The following RILPL1 variants were observed in gnomAD, a reference collection of about 807,000 sequenced individuals.
RILPL1 encodes the protein Rab interacting lysosomal protein like 1.
RILPL1 carries 33 observed loss-of-function variants against 50.3 expected under a neutral mutation model. That is an observed-to-expected ratio of 0.66 (90% confidence interval 0.50 to 0.88). The LOEUF (loss-of-function observed/expected upper bound fraction) is 0.88. Ranked by LOEUF, RILPL1 falls within the 40% of genes least tolerant of loss-of-function variation. The pLI is 0.00. For missense variants in RILPL1, 418 were observed against 542.5 expected (o/e 0.77, Z 2.28); for synonymous variants, 205 against 228.6 (o/e 0.90, Z 0.93).
intron 6 of RILPL1, 74 bp from the exon 7 acceptor site, chr12:123,472,756 G>C (rs1881281631): frequency 1.3e-6 from 2 of 1,499,818 alleles, no homozygotes; most frequent in African/African-American, 1.4e-5. Flanking sequence ...TGCAATGCCG[G>C]AGACATATAG....
intron 2 of RILPL1, among the ~76,000 whole-genome samples, chr12:123,510,821 CTG>C (rs1401851189): frequency 1.2e-5 from 1 of 86,822 alleles, no homozygotes; most frequent in Non-Finnish European, 2.3e-5. Context: ...TGTGTGAGGT[CTG>C]TGTATGGTGT....
chr12:123,504,238 C>T (rs981213567), intron 2 of RILPL1, among the ~76,000 whole-genome samples: 5 of 152,072 alleles, frequency 3.3e-5, no homozygotes, highest in African/African-American at 1.2e-4. Flanking sequence ...CCTTAGCCCC[C>T]GGGACTCAGG....
At chr12:123,524,575 A>T (rs1275225739) in intron 1 of RILPL1, among the ~76,000 whole-genome samples, 1 of 152,220 alleles carries the variant, frequency 6.6e-6, no homozygotes, top group Non-Finnish European at 1.5e-5. Flanking sequence ...GCACATCCAT[A>T]CAATGGAACA....
At chr12:123,524,416 C>T (rs1426671724) in intron 1 of RILPL1, among the ~76,000 whole-genome samples, 2 of 152,112 alleles carry the variant, frequency 1.3e-5, no homozygotes, top group Admixed American at 6.6e-5. Flanking sequence ...ACCATAGGAC[C>T]CAGCAACTCC....
chr12:123,477,333 CTTTCTT>C (rs1461816711), intron 6 of RILPL1, among the ~76,000 whole-genome samples: 143 of 128,570 alleles, frequency 1.1e-3, no homozygotes, highest in Middle Eastern at 3.9e-3. Context: ...TTCTTTCTTT[CTTTCTT>C]TTTTTTTTTT....
rs1054009306 is a variant in RILPL1 at position 123,491,680 on chromosome 12, C to A, written c.802-5875G>T. Among the ~76,000 whole-genome samples, 1 of 152,136 alleles carries A rather than the reference C, an allele frequency of 6.6e-6. No individual in the cohort carries two copies. Among genetic ancestry groups the A allele is most frequent in the Admixed American group, 6.5e-5 (1 of 15,270 alleles). On this transcript the variant is annotated intron_variant, in intron 4 of 6. Coordinates refer to ENST00000376874, the MANE Select transcript of RILPL1 (RefSeq NM_178314.5). This position sits in a 1 kb window ranked among gnomAD's most constrained non-coding sequence, Gnocchi z 4.0. ...GTCTGCTTTCCCTATGCAGGCAGCCCGCACTTTACAAAACAAAAACAAAAC... is the reference window on the plus strand; with the variant it reads ...GTCTGCTTTCCCTATGCAGGCAGCCAGCACTTTACAAAACAAAAACAAAAC...
intron 2 of RILPL1, among the ~76,000 whole-genome samples, chr12:123,512,319 ATGTGAGGTCTCTGTGTGGTG>A (rs1218762066): frequency 1.1e-4 from 8 of 70,412 alleles, no homozygotes; most frequent in African/African-American, 4.5e-4. Context: ...TGTGGTGTCA[ATGTGAGGTCTCTGTGTGGTG>A]TGTGAGGTCT....
chr12:123,486,791 C>T lies in RILPL1; in HGVS notation c.802-986G>A, dbSNP rs573095001. Among the ~76,000 whole-genome samples the T allele has an allele frequency of 2.2e-3, 339 of 151,492 alleles. 2 individuals carry two copies. Among genetic ancestry groups the T allele is most frequent in the African/African-American group, 7.9e-3 (326 of 41,196 alleles). On this transcript the variant is annotated intron_variant, in intron 4 of 6. Coordinates refer to ENST00000376874, the MANE Select transcript of RILPL1 (RefSeq NM_178314.5). ...AGTAGCTGGGATTACAGGTGTGTACCGCCACACCCGGCAATTTTTTTTTTT... is the reference window on the plus strand; with the variant it reads ...AGTAGCTGGGATTACAGGTGTGTACTGCCACACCCGGCAATTTTTTTTTTT...
chr12:123,485,817 A>G lies in RILPL1; in HGVS notation c.802-12T>C, dbSNP rs1355747276. On this transcript the variant is annotated splice_polypyrimidine_tract_variant and intron_variant, in intron 4 of 6. Coordinates refer to ENST00000376874, the MANE Select transcript of RILPL1 (RefSeq NM_178314.5). The surrounding 1 kb of genome is among the most constrained non-coding windows in gnomAD (Gnocchi z 4.0). ...CCCACCGGCTCCGTCTGGAGGAGGC[A>G]GAGATGCTGCTAATGAATTCTTGGC... 9.4e-6 allele frequency: 15 copies of G among 1,592,268 alleles called. No individual in the cohort carries two copies. The South Asian group carries it at 1.3e-4, about 14-fold the overall frequency.
chr12:123,497,423 C>G (rs530834842), intron 4 of RILPL1, among the ~76,000 whole-genome samples: 4 of 152,286 alleles, frequency 2.6e-5, no homozygotes, highest in African/African-American at 9.6e-5. Context: ...CTGACTCACT[C>G]TGTTGCCCAG....
At chr12:123,477,164 A>G (rs1300031079) in intron 6 of RILPL1, among the ~76,000 whole-genome samples, 1 of 152,186 alleles carries the variant, frequency 6.6e-6, no homozygotes, top group Non-Finnish European at 1.5e-5. Flanking sequence ...AACTCCAACC[A>G]TGCCACTAGA....
chr12:123,492,229 A>G (rs1201121930), intron 4 of RILPL1, among the ~76,000 whole-genome samples: 1 of 138,874 alleles, frequency 7.2e-6, no homozygotes, highest in Non-Finnish European at 1.6e-5. Context: ...AAAAGAAGAA[A>G]AAAAAATATA....
intron 4 of RILPL1, among the ~76,000 whole-genome samples, chr12:123,490,894 G>C (rs1024788534): frequency 2.0e-5 from 3 of 152,108 alleles, no homozygotes; most frequent in Non-Finnish European, 2.9e-5. Context: ...GGGAGTACAG[G>C]CATGCGCCAC....
At chr12:123,487,373 G>A (rs757695503) in intron 4 of RILPL1, among the ~76,000 whole-genome samples, 1 of 151,996 alleles carries the variant, frequency 6.6e-6, no homozygotes, top group Non-Finnish European at 1.5e-5. Flanking sequence ...CACGATCTCA[G>A]CTCACTTCAA....
At chr12:123,512,771 C>CCGTG (rs1884429588) in intron 2 of RILPL1, among the ~76,000 whole-genome samples, 1 of 83,930 alleles carries the variant, frequency 1.2e-5, no homozygotes, top group African/African-American at 4.8e-5. Context: ...TGTGTGAGGT[C>CCGTG]TGTGTGTGGT....
rs1883177583 is a variant in RILPL1 at position 123,498,607 on chromosome 12, C to T, written c.738G>A (p.Glu246=). The T allele has an allele frequency of 6.2e-7, 1 of 1,613,776 alleles. No individual in the cohort carries two copies. Among genetic ancestry groups the T allele is most frequent in the East Asian group, 2.2e-5 (1 of 44,884 alleles). Residue 246 remains glutamate (E), a synonymous_variant, in exon 4 of 7, where the codon GAG becomes GAA. Transcript: ENST00000376874. The surrounding 1 kb of genome is among the most constrained non-coding windows in gnomAD (Gnocchi z 4.3). ...KEQEMGSLRA[E]LGKLRERLQG... ...GCAGCCTCTCTCGCAACTTCCCCAG[C>T]TCTGCTCGCAGGCTGCCCATCTCCT... is the stretch of plus-strand genomic sequence containing the variant.
chr12:123,477,466 G>A (rs1167164727), intron 6 of RILPL1, among the ~76,000 whole-genome samples: 2 of 151,076 alleles, frequency 1.3e-5, no homozygotes, highest in Non-Finnish European at 2.9e-5. Context: ...AGCCTCCCCA[G>A]TAGCTGGGAC....
chr12:123,498,010 AT>A lies in RILPL1; in HGVS notation c.801+533del, dbSNP rs144797474. On this transcript the variant is annotated intron_variant, in intron 4 of 6. Transcript: ENST00000376874. This position sits in a 1 kb window ranked among gnomAD's most constrained non-coding sequence, Gnocchi z 4.3. The stretch of plus-strand genomic sequence containing the variant: ...AACTGTAAGCTCCATGTGGACAGGG[AT>A]CATGTCTGTATTTTGCTCGCTATTT... Among the ~76,000 whole-genome samples, 591 of 152,314 alleles carry A rather than the reference AT, an allele frequency of 3.9e-3. 3 individuals carry two copies. Among genetic ancestry groups the A allele is most frequent in the African/African-American group, 0.014 (567 of 41,572 alleles).
chr12:123,529,766 C>G (rs1315654576), intron 1 of RILPL1, among the ~76,000 whole-genome samples: 1 of 150,738 alleles, frequency 6.6e-6, no homozygotes, highest in Non-Finnish European at 1.5e-5. Context: ...CTTAGCTACT[C>G]AGGAGGCTGA....
Sources: allele counts gnomAD v4.1 joint callset (sites outside exome capture counted in the v4.1 genomes callset), GRCh38; gene constraint gnomAD v4.1.1; non-coding constraint Gnocchi (gnomAD v3.1); transcripts MANE v1.5; gene names NCBI Gene and HGNC (gene_info 2026-07-23, HGNC 2026-07-21).